Variants in GOLPH3 observed in about 807,000 individuals in gnomAD.
GOLPH3 encodes coat protein GPP34.
Under a neutral mutation model 28.5 loss-of-function variants are expected in GOLPH3, and 14 were observed. The ratio of observed to expected loss-of-function variants is 0.49; its 90% CI spans 0.32 to 0.77. The LOEUF is 0.77. Ranked by LOEUF, GOLPH3 falls within the 30% of genes least tolerant of loss-of-function variation. The pLI, the probability that GOLPH3 is intolerant of heterozygous loss-of-function variation, is 0.03. For synonymous variants in GOLPH3, 158 were observed against 159.2 expected (o/e 0.99, Z 0.06); for missense variants, 350 against 393.7 (o/e 0.89, Z 0.94).
At chr5:32,143,665 T>C in intron 2 of GOLPH3, 84 bp downstream of exon 2, 1 of 1,211,044 alleles carries the variant, frequency 8.3e-7, no homozygotes, top group South Asian at 1.5e-5. Context: ...ACTTCCACTT[T>C]AATTTTTGAA....
intron 1 of GOLPH3, among the ~76,000 whole-genome samples, chr5:32,150,451 T>G (rs1283269251): frequency 6.9e-6 from 1 of 145,700 alleles, no homozygotes. Flanking sequence ...CAGGAAAACT[T>G]GGGGAGATAG....
chr5:32,152,017 C>G lies in GOLPH3; in HGVS notation c.226-8137G>C, dbSNP rs73065655. Among the ~76,000 whole-genome samples the G allele has an allele frequency of 2.0e-5, 3 of 152,068 alleles. No homozygotes were observed. The South Asian group carries it at 6.2e-4, about 32-fold the overall frequency. ...TTCGGTATGAAATGATGGAGAAGTT[C>G]TGGAGAGGGATAGTGGTGATGACGG... On this transcript the variant is annotated intron_variant, in intron 1 of 3. Coordinates refer to ENST00000265070, the MANE Select transcript of GOLPH3 (RefSeq NM_022130.4).
chr5:32,130,813 T>C (rs570631539), intron 3 of GOLPH3, among the ~76,000 whole-genome samples: 1 of 152,352 alleles, frequency 6.6e-6, no homozygotes, highest in Non-Finnish European at 1.5e-5. Context: ...TCTCTTATAC[T>C]GAACTTATGC....
At chr5:32,128,445 G>C (rs1412868355) in intron 3 of GOLPH3, among the ~76,000 whole-genome samples, 1 of 152,096 alleles carries the variant, frequency 6.6e-6, no homozygotes, top group East Asian at 1.9e-4. Context: ...ATCACCTGAG[G>C]TCAGGAGTTC....
chr5:32,134,240 C>T (rs1043889389), intron 3 of GOLPH3, among the ~76,000 whole-genome samples: 2 of 151,932 alleles, frequency 1.3e-5, no homozygotes, highest in African/African-American at 4.8e-5. Context: ...GGGTCTCACT[C>T]TGTCACCCAG....
chr5:32,166,968 G>A (rs372631877), intron 1 of GOLPH3, among the ~76,000 whole-genome samples: 3 of 151,382 alleles, frequency 2.0e-5, no homozygotes, highest in Admixed American at 6.6e-5. Flanking sequence ...CTGTTAGAAG[G>A]GGGGGGGAGT....
At chr5:32,141,704 T>A (rs1279282361) in intron 2 of GOLPH3, among the ~76,000 whole-genome samples, 1 of 152,192 alleles carries the variant, frequency 6.6e-6, no homozygotes, top group African/African-American at 2.4e-5. Flanking sequence ...CCTCCCTGCC[T>A]GATTCTCCTG....
chr5:32,146,166 T>C (rs1176811565), intron 1 of GOLPH3, among the ~76,000 whole-genome samples: 2 of 151,998 alleles, frequency 1.3e-5, no homozygotes, highest in African/African-American at 4.8e-5. Flanking sequence ...GGCACCCGTC[T>C]GTGGTCCCAG....
intron 1 of GOLPH3, among the ~76,000 whole-genome samples, chr5:32,147,455 A>T (rs949638658): frequency 1.3e-5 from 2 of 152,112 alleles, no homozygotes; most frequent in African/African-American, 4.8e-5. Flanking sequence ...AAAGAAAAGA[A>T]ATCCTGGTGC....
At chr5:32,140,325 A>C (rs1342796449) in intron 2 of GOLPH3, among the ~76,000 whole-genome samples, 1 of 152,026 alleles carries the variant, frequency 6.6e-6, no homozygotes, top group Admixed American at 6.5e-5. Context: ...GCAATAAAGT[A>C]AGACCTTATC....
At chr5:32,151,664 G>C (rs1307832279) in intron 1 of GOLPH3, among the ~76,000 whole-genome samples, 1 of 151,952 alleles carries the variant, frequency 6.6e-6, no homozygotes, top group African/African-American at 2.4e-5. Flanking sequence ...ACAGCAAAAA[G>C]AAACCCACCT....
intron 1 of GOLPH3, among the ~76,000 whole-genome samples, chr5:32,158,059 C>G (rs1038897901): frequency 1.7e-5 from 2 of 120,054 alleles, no homozygotes; most frequent in Admixed American, 8.3e-5. Flanking sequence ...CACACACACA[C>G]ACTGGGCAAA....
At chr5:32,161,943 C>T (rs927055936) in intron 1 of GOLPH3, among the ~76,000 whole-genome samples, 9 of 151,038 alleles carry the variant, frequency 6.0e-5, no homozygotes, top group Non-Finnish European at 1.2e-4. Flanking sequence ...AGGAGAATGG[C>T]GTGAACCCGG....
Position 32,173,933 on chromosome 5 carries a change from G to T in GOLPH3, c.102C>A (p.Gly34=). Reference sequence around the variant, plus strand: ...GGCTCTGCGCGTCGTCCTCGCTGCTGCCGGCGCCGCCGCCCGCCGCCCGCT... The same window carrying T: ...GGCTCTGCGCGTCGTCCTCGCTGCTTCCGGCGCCGCCGCCCGCCGCCCGCT... ...DKERAAGGGA[G]SSEDDAQSRR... Residue 34 remains glycine, a synonymous_variant, in exon 1 of 4, where the codon GGC becomes GGA. Coordinates refer to ENST00000265070, the MANE Select transcript of GOLPH3 (RefSeq NM_022130.4). 1 of 1,482,530 alleles carries T rather than the reference G, an allele frequency of 6.7e-7. No individual in the cohort carries two copies. 91.8% of individuals were successfully genotyped at this position (1,482,530 alleles called of 1,614,324 possible).
intron 1 of GOLPH3, among the ~76,000 whole-genome samples, chr5:32,155,215 T>TCA (rs1746393561): frequency 6.6e-6 from 1 of 152,172 alleles, no homozygotes; most frequent in African/African-American, 2.4e-5. Flanking sequence ...AGACAGGGTT[T>TCA]CATTCTGTCA....
chr5:32,174,048 G>A lies in GOLPH3; in HGVS notation c.-14C>T, dbSNP rs758852252. 240 of 1,272,566 alleles carry A rather than the reference G, an allele frequency of 1.9e-4. No homozygotes were observed. Among genetic ancestry groups the A allele is most frequent in the Non-Finnish European group, 2.3e-4 (229 of 1,014,872 alleles). The allele number at this position is 1,272,566 out of a possible 1,614,324, so 78.8% of individuals were successfully genotyped here. ...CAGCGAGGTCATGGCTCCCGCCGAGGCGCCGAGCCGGGCCGAGAGGGTCGC... is the reference window on the plus strand; with the variant it reads ...CAGCGAGGTCATGGCTCCCGCCGAGACGCCGAGCCGGGCCGAGAGGGTCGC... On this transcript the variant is annotated 5_prime_UTR_variant, in exon 1 of 4. Coordinates refer to ENST00000265070, the MANE Select transcript of GOLPH3 (RefSeq NM_022130.4).
rs1470497713 is a variant in GOLPH3, at chr5:32,141,721, C to G, written c.357+2028G>C. 2.6e-5 allele frequency among the ~76,000 whole-genome samples: 4 copies of G among 152,228 alleles called. No individual in the cohort carries two copies. The East Asian group carries it at 7.7e-4, about 29-fold the overall frequency. ...TCCCTGCCTGATTCTCCTGCCTCAG[C>G]TAGCCGAGTGCCTGCGATTGCAGGC... On this transcript the variant is annotated intron_variant, in intron 2 of 3. Transcript: ENST00000265070.
At chr5:32,140,187 G>GAA (rs367594027) in intron 2 of GOLPH3, among the ~76,000 whole-genome samples, 1 of 144,810 alleles carries the variant, frequency 6.9e-6, no homozygotes. Flanking sequence ...GCTTCTAGAG[G>GAA]AAAAAAAAAA....
chr5:32,130,360 ATTT>A (rs1420523067), intron 3 of GOLPH3, among the ~76,000 whole-genome samples: 1 of 152,224 alleles, frequency 6.6e-6, no homozygotes, highest in Non-Finnish European at 1.5e-5. Context: ...ATAAAAGCCT[ATTT>A]AAAAAACTAC....
Sources: allele counts gnomAD v4.1 joint callset (sites outside exome capture counted in the v4.1 genomes callset), GRCh38; gene constraint gnomAD v4.1.1; transcripts MANE v1.5; gene names NCBI Gene and HGNC (gene_info 2026-07-23, HGNC 2026-07-21).